The following SLC25A13 variants were observed in gnomAD, a reference collection of about 807,000 sequenced individuals.
The protein encoded by SLC25A13 is electrogenic aspartate/glutamate antiporter SLC25A13, mitochondrial.
A neutral mutation model predicts 85.5 loss-of-function variants in SLC25A13; 70 were observed. The ratio of observed to expected loss-of-function variants is 0.82; its 90% confidence interval spans 0.68 to 1.00. The LOEUF is 1.00. SLC25A13 is among the 50% of genes least tolerant of loss of function. The pLI is 0.00. For missense variants in SLC25A13, 765 were observed against 819.8 expected (o/e 0.93, Z 0.82); for synonymous variants, 259 against 288.7 (o/e 0.90, Z 1.04).
intron 2 of SLC25A13, among the ~76,000 whole-genome samples, chr7:96,284,383 G>A (rs1424652687): frequency 6.6e-6 from 1 of 152,114 alleles, no homozygotes; most frequent in Admixed American, 6.5e-5. Context: ...AGAATTAACT[G>A]TTTTTCAAAA....
At chr7:96,180,897 T>C (rs1794395390) in intron 11 of SLC25A13, among the ~76,000 whole-genome samples, 1 of 152,192 alleles carries the variant, frequency 6.6e-6, no homozygotes, top group Non-Finnish European at 1.5e-5. Flanking sequence ...AGTTGTCAGG[T>C]AATTCATTAA....
chr7:96,142,047 C>T (rs957629953), intron 14 of SLC25A13, among the ~76,000 whole-genome samples: 4 of 152,094 alleles, frequency 2.6e-5, no homozygotes, highest in Non-Finnish European at 5.9e-5. Context: ...GAGGAAAGAG[C>T]TTTAAGATAT....
At chr7:96,300,720 G>A (rs941384059) in intron 1 of SLC25A13, among the ~76,000 whole-genome samples, 2 of 152,156 alleles carry the variant, frequency 1.3e-5, no homozygotes, top group African/African-American at 4.8e-5. Context: ...AATGGTTAAT[G>A]ATCACCACAA....
chr7:96,293,937 C>T (rs558854894), intron 2 of SLC25A13, among the ~76,000 whole-genome samples: 27 of 151,950 alleles, frequency 1.8e-4, no homozygotes, highest in African/African-American at 4.4e-4. Flanking sequence ...TGGGTATATA[C>T]CCAAAGGATT....
chr7:96,262,371 T>C (rs1028838393), intron 3 of SLC25A13, among the ~76,000 whole-genome samples: 2 of 152,202 alleles, frequency 1.3e-5, no homozygotes, highest in Non-Finnish European at 2.9e-5. Context: ...CAGCATCATA[T>C]GCTGGGAAGA....
At position 96,120,719 on chromosome 7, in the gene SLC25A13, C is replaced by A. The variant is rs1231566419; in HGVS notation, c.*472G>T. 7 of 454,286 alleles carry A rather than the reference C, an allele frequency of 1.5e-5. No homozygotes were observed. The East Asian group carries it at 4.9e-4, about 32-fold the overall frequency. The allele number at this position is 454,286 out of a possible 1,614,324, so 28.1% of individuals were successfully genotyped here. On this transcript the variant is annotated 3_prime_UTR_variant, in exon 18 of 18. Transcript: ENST00000265631. ...TGCATGCTTACAATTTGAAGCCAGG[C>A]TGAATATATTTGATATATATTTTTT...
At chr7:96,236,311 A>C (rs982206760) in intron 3 of SLC25A13, among the ~76,000 whole-genome samples, 1 of 152,112 alleles carries the variant, frequency 6.6e-6, no homozygotes, top group Admixed American at 6.6e-5. Context: ...TCTCTCACCG[A>C]GACTCTGCGT....
chr7:96,285,769 T>C (rs1199124736), intron 2 of SLC25A13, among the ~76,000 whole-genome samples: 1 of 152,198 alleles, frequency 6.6e-6, no homozygotes, highest in African/African-American at 2.4e-5. Context: ...ATACATCTTT[T>C]GCACCTCCCA....
intron 14 of SLC25A13, among the ~76,000 whole-genome samples, chr7:96,136,600 G>GA (rs1344673243): frequency 2.0e-5 from 3 of 152,162 alleles, no homozygotes; most frequent in Admixed American, 1.3e-4. Context: ...CCAAAGTGGG[G>GA]AAAAAACCAG....
At chr7:96,210,521 T>C (rs1795650321) in intron 4 of SLC25A13, among the ~76,000 whole-genome samples, 1 of 152,188 alleles carries the variant, frequency 6.6e-6, no homozygotes, top group Non-Finnish European at 1.5e-5. Flanking sequence ...GCAGCTAAAA[T>C]TTCTTGGGCA....
chr7:96,269,191 T>C (rs965758010), intron 3 of SLC25A13, among the ~76,000 whole-genome samples: 36 of 152,178 alleles, frequency 2.4e-4, no homozygotes, highest in African/African-American at 8.7e-4. Context: ...AAAGAGCTGC[T>C]GAATAACTGG....
chr7:96,262,407 T>C (rs1240861542), intron 3 of SLC25A13, among the ~76,000 whole-genome samples: 4 of 152,164 alleles, frequency 2.6e-5, no homozygotes, highest in Non-Finnish European at 5.9e-5. Flanking sequence ...TGGTATTAAG[T>C]TGGCCCAGTA....
At chr7:96,304,683 C>G (rs960884183) in intron 1 of SLC25A13, among the ~76,000 whole-genome samples, 5 of 152,128 alleles carry the variant, frequency 3.3e-5, no homozygotes, top group Non-Finnish European at 7.4e-5. Flanking sequence ...TCTTGGGGGC[C>G]AAACTACCCC....
At chr7:96,216,058 G>A (rs536926351) in intron 4 of SLC25A13, among the ~76,000 whole-genome samples, 6 of 152,006 alleles carry the variant, frequency 3.9e-5, no homozygotes, top group Non-Finnish European at 8.8e-5. Context: ...AGGAGGCTGA[G>A]GCAGGAAGAA....
At chr7:96,238,064 T>C (rs10808097) in intron 3 of SLC25A13, among the ~76,000 whole-genome samples, 85,182 of 151,868 alleles carry the variant, frequency 0.56, 24,896 homozygotes, top group Non-Finnish European at 0.64. Flanking sequence ...TGTGACTTTA[T>C]TTGGAAATAG....
At chr7:96,217,902 A>G (rs1434761987) in intron 4 of SLC25A13, among the ~76,000 whole-genome samples, 34 of 93,378 alleles carry the variant, frequency 3.6e-4, no homozygotes, top group Middle Eastern at 4.5e-3. Flanking sequence ...GCTTTCTCTG[A>G]AAAAAAAAAA....
At chr7:96,232,779 C>A (rs1796599710) in intron 4 of SLC25A13, among the ~76,000 whole-genome samples, 1 of 152,014 alleles carries the variant, frequency 6.6e-6, no homozygotes, top group Non-Finnish European at 1.5e-5. Flanking sequence ...CTTACATAGT[C>A]CTGTAAAGTA....
At chr7:96,209,385 C>CACACACAA (rs1554354161) in intron 4 of SLC25A13, among the ~76,000 whole-genome samples, 1 of 151,388 alleles carries the variant, frequency 6.6e-6, no homozygotes, top group African/African-American at 2.4e-5. Context: ...CACACACACA[C>CACACACAA]GATACAAGCG....
At position 96,251,557 on chromosome 7, in the gene SLC25A13, A is replaced by G. The variant is rs1352596852; in HGVS notation, c.213-16640T>C. ...AGCAGAATTTTTAAAAAGTAAATCA[A>G]GTAAAATGCAGGGTCACATCATTGG... On this transcript the variant is annotated intron_variant, in intron 3 of 17. Transcript: ENST00000265631. 2.0e-5 allele frequency among the ~76,000 whole-genome samples: 3 copies of G among 152,298 alleles called. No homozygotes were observed. In the East Asian group the frequency reaches 5.8e-4, roughly 29 times the overall value.
Sources: gnomAD v4.1 joint callset for allele counts (sites outside exome capture counted in the v4.1 genomes callset) on GRCh38, gnomAD v4.1.1 for gene constraint, MANE v1.5 for transcripts, NCBI Gene and HGNC (gene_info 2026-07-23, HGNC 2026-07-21) for gene names.